The following TPST1 variants were observed in gnomAD, a reference collection of about 807,000 sequenced individuals.
TPST1 encodes protein-tyrosine sulfotransferase 1.
A neutral mutation model predicts 34.8 loss-of-function variants in TPST1; 20 were observed. That is an observed-to-expected ratio of 0.57 (90% CI 0.40 to 0.84). The LOEUF (loss-of-function observed/expected upper bound fraction) is 0.84. TPST1 is among the 40% of genes least tolerant of loss of function. The pLI is 0.00. For synonymous variants in TPST1, 152 were observed against 159.4 expected, an observed-to-expected ratio of 0.95 and a Z score of 0.35; for missense variants, 353 against 455.5, an observed-to-expected ratio of 0.78 and a Z score of 2.05.
rs1678901955 is a variant in TPST1, at chr7:66,324,979, G to A, written c.1045-27526G>A. Reference sequence around the variant, plus strand: ...GTTGGTGGCTAGAGAGAACTTCTTAGGTTTTCTACCTGTATTAGTCCGTTT... The same window carrying A: ...GTTGGTGGCTAGAGAGAACTTCTTAAGTTTTCTACCTGTATTAGTCCGTTT... On this transcript the variant is annotated intron_variant, in intron 3 of 5. Transcript: ENST00000304842. Among the ~76,000 whole-genome samples, 3 of 152,122 alleles carry A rather than the reference G, an allele frequency of 2.0e-5. No individual in the cohort carries two copies. In the South Asian group the frequency reaches 6.2e-4, roughly 31 times the overall value.
intron 3 of TPST1, among the ~76,000 whole-genome samples, chr7:66,318,920 T>G (rs1791692755): frequency 6.6e-6 from 1 of 152,226 alleles, no homozygotes; most frequent in Non-Finnish European, 1.5e-5. Flanking sequence ...TTTAACATTT[T>G]CTGGGCCCTA....
chr7:66,254,999 T>G (rs1022040810), intron 2 of TPST1, among the ~76,000 whole-genome samples: 1 of 151,748 alleles, frequency 6.6e-6, no homozygotes, highest in African/African-American at 2.4e-5. Context: ...TACAAAAAAT[T>G]AGCCGGGCGT....
At chr7:66,203,903 A>C (rs2116169203), upstream of TPST1, among the ~76,000 whole-genome samples, 2 of 152,276 alleles carry the variant, frequency 1.3e-5, no homozygotes, top group African/African-American at 4.8e-5. Flanking sequence ...CCAGCCAGGC[A>C]CGGTGGCCCA....
At chr7:66,220,592 A>G (rs1789521400) in intron 1 of TPST1, among the ~76,000 whole-genome samples, 1 of 151,596 alleles carries the variant, frequency 6.6e-6, no homozygotes, top group South Asian at 2.1e-4. Flanking sequence ...AGAGACACGC[A>G]AAAGCTGCAG....
intron 2 of TPST1, among the ~76,000 whole-genome samples, chr7:66,277,944 A>G (rs1398149454): frequency 6.6e-6 from 1 of 151,992 alleles, no homozygotes; most frequent in Non-Finnish European, 1.5e-5. Context: ...TACTAAAAAT[A>G]CAAAAATTAG....
intron 1 of TPST1, among the ~76,000 whole-genome samples, chr7:66,223,507 C>T (rs1401923217): frequency 7.6e-5 from 11 of 145,344 alleles, no homozygotes; most frequent in Non-Finnish European, 1.5e-4. Context: ...AGAAAAATGG[C>T]ATAAACTTGA....
intron 2 of TPST1, among the ~76,000 whole-genome samples, chr7:66,245,265 G>A (rs1051232541): frequency 6.6e-6 from 1 of 152,222 alleles, no homozygotes. Flanking sequence ...GTCTTGCAGT[G>A]GGGAATAGAG....
intron 1 of TPST1, among the ~76,000 whole-genome samples, chr7:66,214,137 C>G (rs1004496641): frequency 6.6e-5 from 10 of 151,854 alleles, no homozygotes; most frequent in Admixed American, 2.6e-4. Flanking sequence ...TTTTACTACC[C>G]ACAAAAAAAC....
At chr7:66,330,697 A>G (rs900765168) in intron 3 of TPST1, among the ~76,000 whole-genome samples, 11 of 152,078 alleles carry the variant, frequency 7.2e-5, no homozygotes, top group Non-Finnish European at 5.9e-5. Flanking sequence ...TCTACCAACT[A>G]TCAATTCCTG....
At chr7:66,229,371 A>G (rs1387988951) in intron 1 of TPST1, among the ~76,000 whole-genome samples, 1 of 152,164 alleles carries the variant, frequency 6.6e-6, no homozygotes, top group Non-Finnish European at 1.5e-5. Flanking sequence ...CGGCCTCCCA[A>G]AATGCTGGGA....
intron 3 of TPST1, among the ~76,000 whole-genome samples, chr7:66,315,761 T>C (rs1438221567): frequency 6.6e-6 from 1 of 151,874 alleles, no homozygotes; most frequent in Non-Finnish European, 1.5e-5. Context: ...GTAGGGGTGA[T>C]GGTGGGGTAA....
At chr7:66,349,566 C>T (rs1228092249) in intron 3 of TPST1, among the ~76,000 whole-genome samples, 4 of 151,844 alleles carry the variant, frequency 2.6e-5, no homozygotes, top group Non-Finnish European at 4.4e-5. Flanking sequence ...AGCGAAACTC[C>T]GTCTCAAAAC....
At chr7:66,273,916 C>T (rs1790753455) in intron 2 of TPST1, among the ~76,000 whole-genome samples, 2 of 152,118 alleles carry the variant, frequency 1.3e-5, no homozygotes. Context: ...GATTCTCTCA[C>T]CTGAGCCTTC....
chr7:66,230,035 A>G (rs559353103), intron 1 of TPST1, among the ~76,000 whole-genome samples: 44 of 152,300 alleles, frequency 2.9e-4, no homozygotes, highest in African/African-American at 1.1e-3. Context: ...AAAAAATACA[A>G]AAATTAGCTG....
intron 3 of TPST1, among the ~76,000 whole-genome samples, chr7:66,343,606 A>G (rs1249332394): frequency 6.6e-6 from 1 of 152,222 alleles, no homozygotes; most frequent in East Asian, 1.9e-4. Flanking sequence ...ACAGCTACAC[A>G]AAACAGTAAA....
At chr7:66,340,744 C>T (rs866766336) in intron 3 of TPST1, among the ~76,000 whole-genome samples, 1 of 152,046 alleles carries the variant, frequency 6.6e-6, no homozygotes, top group African/African-American at 2.4e-5. Flanking sequence ...TTGAAGAGGA[C>T]ATATAGAAAA....
intron 2 of TPST1, among the ~76,000 whole-genome samples, chr7:66,250,213 C>T (rs150253353): frequency 4.9e-4 from 75 of 152,290 alleles, no homozygotes; most frequent in African/African-American, 1.7e-3. Context: ...TACCCTTTCA[C>T]ACTCACCCAT....
At chr7:66,310,569 G>C (rs117640644) in intron 3 of TPST1, among the ~76,000 whole-genome samples, 1 of 152,108 alleles carries the variant, frequency 6.6e-6, no homozygotes, top group Non-Finnish European at 1.5e-5. Flanking sequence ...AGCCAAAGAG[G>C]TCAAGGGAGT....
chr7:66,279,745 T>C (rs4149461), intron 2 of TPST1, among the ~76,000 whole-genome samples: 98,291 of 152,056 alleles, frequency 0.65, 32,137 homozygotes, highest in African/African-American at 0.74. Flanking sequence ...TTATTCTGTA[T>C]AATTCTAGAG....
Sources: gnomAD v4.1 joint callset for allele counts (sites outside exome capture counted in the v4.1 genomes callset) on GRCh38, gnomAD v4.1.1 for gene constraint, MANE v1.5 for transcripts, NCBI Gene and HGNC (gene_info 2026-07-23, HGNC 2026-07-21) for gene names.